The following NUP35 variants were observed in gnomAD, a reference collection of about 807,000 sequenced individuals.
NUP35 encodes nucleoporin NUP35.
A neutral mutation model predicts 41.5 loss-of-function variants in NUP35; 25 were observed. The ratio of observed to expected loss-of-function variants is 0.60; its 90% CI spans 0.44 to 0.84. NUP35 has a LOEUF of 0.84. Among genes scored for constraint, NUP35 ranks in the 40% least tolerant of loss-of-function variants. NUP35 has a pLI of 0.00. For missense variants in NUP35, 396 were observed against 396.6 expected (o/e 1.00, Z 0.01); for synonymous variants, 149 against 130.7 (o/e 1.14, Z -0.96).
At chr2:183,142,754 A>G (rs1575125014) in intron 4 of NUP35, among the ~76,000 whole-genome samples, 1 of 151,848 alleles carries the variant, frequency 6.6e-6, no homozygotes, top group Non-Finnish European at 1.5e-5. Flanking sequence ...TGCTGGGACT[A>G]CAGGTGTGAG....
In NUP35 at chr2:183,159,500, A is replaced by G; in HGVS notation, c.751A>G (p.Ser251Gly). The G allele has an allele frequency of 6.2e-7, 1 of 1,613,310 alleles. No individual in the cohort carries two copies. Among genetic ancestry groups the G allele is most frequent in the South Asian group, 1.1e-5 (1 of 91,034 alleles). ...TTTGTTTCTCCAGAGTGTTATGGAA[A>G]GCAGTGACAGATGTGCTTTATCATC... ...KPCIDKSVME[S>G]SDRCALSSPS... The change falls in exon 8 of 9, where the codon AGC becomes GGC. Residue 251 changes from serine (S) to glycine (G), a missense_variant. Ser to Gly is a moderately conservative substitution (Grantham distance 56, BLOSUM62 0). Coordinates refer to ENST00000295119, the MANE Select transcript of NUP35 (RefSeq NM_138285.5).
rs1685373444 is a variant in NUP35 at position 183,149,011 on chromosome 2, T to G, written c.398-2497T>G. ...TCTTTTTTGTTTCTTAAGAACATAC[T>G]TGGAGAAATCCATGTGACTATAAAC... On this transcript the variant is annotated intron_variant, in intron 4 of 8. Transcript: ENST00000295119. 1.3e-5 allele frequency among the ~76,000 whole-genome samples: 2 copies of G among 152,196 alleles called. 1 individual carries two copies. Among genetic ancestry groups the G allele is most frequent in the South Asian group, 4.1e-4 (2 of 4,828 alleles).
At chr2:183,139,449 A>G (rs1359310379) in intron 4 of NUP35, among the ~76,000 whole-genome samples, 1 of 152,054 alleles carries the variant, frequency 6.6e-6, no homozygotes, top group Non-Finnish European at 1.5e-5. Context: ...GCCTCCATAC[A>G]ATATGTCCAC....
intron 4 of NUP35, among the ~76,000 whole-genome samples, chr2:183,142,101 A>G (rs1685115131): frequency 6.6e-6 from 1 of 152,118 alleles, no homozygotes; most frequent in South Asian, 2.1e-4. Context: ...ATTTGTGATG[A>G]TGATTCCTGA....
At chr2:183,121,262 C>T (rs963274035), upstream of NUP35, among the ~76,000 whole-genome samples, 1 of 151,380 alleles carries the variant, frequency 6.6e-6, no homozygotes, top group Non-Finnish European at 1.5e-5. Flanking sequence ...TACACAGGAG[C>T]CAATCTGCAA....
intron 7 of NUP35, among the ~76,000 whole-genome samples, chr2:183,158,909 T>C (rs1240820988): frequency 6.6e-6 from 1 of 152,152 alleles, no homozygotes; most frequent in Non-Finnish European, 1.5e-5. Flanking sequence ...TAGTACAGAG[T>C]ACAATTTAAA....
At chr2:183,147,880 C>G (rs897715044) in intron 4 of NUP35, among the ~76,000 whole-genome samples, 2 of 151,564 alleles carry the variant, frequency 1.3e-5, no homozygotes, top group Admixed American at 1.3e-4. Flanking sequence ...AGAGATTTTT[C>G]ACCTCCTGGG....
At chr2:183,133,501 C>T in intron 3 of NUP35, 65 bp from the exon 4 acceptor site, 1 of 1,276,052 alleles carries the variant, frequency 7.8e-7, no homozygotes. Context: ...TTGAATGAAG[C>T]CTTTTAACAC....
intron 5 of NUP35, among the ~76,000 whole-genome samples, chr2:183,152,672 A>G (rs970697144): frequency 6.6e-6 from 1 of 152,180 alleles, no homozygotes; most frequent in Non-Finnish European, 1.5e-5. Flanking sequence ...TTTTGTATGT[A>G]TATATATCTA....
rs1285522787 is a variant in NUP35 at position 183,142,024 on chromosome 2, G to T, written c.397+8401G>T. Among the ~76,000 whole-genome samples the T allele has an allele frequency of 2.0e-5, 3 of 152,158 alleles. No homozygotes were observed. The South Asian group carries it at 6.2e-4, about 32-fold the overall frequency. ...TCTTCACACTTGATTGATAGTGTAG[G>T]TGGGTAGGTTGGAATTTTGGAGGCA... On this transcript the variant is annotated intron_variant, in intron 4 of 8. Coordinates refer to ENST00000295119, the MANE Select transcript of NUP35 (RefSeq NM_138285.5).
At chr2:183,142,312 T>A (rs547586163) in intron 4 of NUP35, among the ~76,000 whole-genome samples, 1 of 151,976 alleles carries the variant, frequency 6.6e-6, no homozygotes, top group East Asian at 1.9e-4. Context: ...GCTTTCTCTC[T>A]GCTTTCTCTT....
At chr2:183,134,602 C>G (rs988986512) in intron 4 of NUP35, among the ~76,000 whole-genome samples, 15 of 150,784 alleles carry the variant, frequency 9.9e-5, no homozygotes, top group African/African-American at 3.6e-4. Context: ...TATGGAGGTT[C>G]TAGACAAAAA....
At chr2:183,124,574 A>T (rs945948283) in intron 1 of NUP35, 77 bp downstream of exon 1, 1 of 1,572,246 alleles carries the variant, frequency 6.4e-7, no homozygotes. Flanking sequence ...ACTGAAAGGC[A>T]GTCGTCAGGC....
At chr2:183,140,629 C>T (rs2675097) in intron 4 of NUP35, among the ~76,000 whole-genome samples, 28,951 of 151,856 alleles carry the variant, frequency 0.19, 3,671 homozygotes, top group African/African-American at 0.34. Context: ...CAAGATCATC[C>T]TGGCCAACAT....
upstream of NUP35, among the ~76,000 whole-genome samples, chr2:183,121,983 T>C (rs1225944139): frequency 6.7e-6 from 1 of 148,416 alleles, no homozygotes; most frequent in Non-Finnish European, 1.5e-5. Flanking sequence ...TTGTTACATA[T>C]GTATACATGT....
At chr2:183,118,936 G>A (rs1418497827) in intron 1 of NUP35, 1 of 152,178 alleles carries the variant, frequency 6.6e-6, no homozygotes, top group African/African-American at 2.4e-5. Flanking sequence ...TTAGCACTTT[G>A]GAGGTAAGCA....
At chr2:183,133,656 A>G (rs6755262) in intron 4 of NUP35, 33 bp downstream of exon 4, 8 of 1,309,598 alleles carry the variant, frequency 6.1e-6, no homozygotes, top group African/African-American at 4.6e-5. Context: ...TTTTTTTTTT[A>G]AAAGACAGGG....
chr2:183,155,082 C>G lies in NUP35; in HGVS notation c.540-2362C>G, dbSNP rs1685606866. 2.6e-5 allele frequency among the ~76,000 whole-genome samples: 4 copies of G among 152,152 alleles called. No individual in the cohort carries two copies. The South Asian group carries it at 8.3e-4, about 32-fold the overall frequency. The stretch of plus-strand genomic sequence containing the variant: ...ATTCAATTACCTCTCTCAGGTCCCT[C>G]TCACAACACATGGGAATTCTGGGAG... On this transcript the variant is annotated intron_variant, in intron 5 of 8. Transcript: ENST00000295119.
At chr2:183,150,176 A>G (rs750356668) in intron 4 of NUP35, among the ~76,000 whole-genome samples, 1 of 152,220 alleles carries the variant, frequency 6.6e-6, no homozygotes, top group Non-Finnish European at 1.5e-5. Context: ...AAGTGTTGGG[A>G]TGACAGGTGT....
Sources: gnomAD v4.1 joint callset for allele counts (sites outside exome capture counted in the v4.1 genomes callset) on GRCh38, gnomAD v4.1.1 for gene constraint, MANE v1.5 for transcripts, NCBI Gene and HGNC (gene_info 2026-07-23, HGNC 2026-07-21) for gene names.